Variants in NAALADL2 observed in about 807,000 individuals in gnomAD.
NAALADL2 encodes the protein inactive N-acetylated-alpha-linked acidic dipeptidase-like protein 2.
In NAALADL2, 76 loss-of-function variants were observed where a neutral mutation model predicts 87.2. That is an observed-to-expected ratio of 0.87 (90% confidence interval 0.72 to 1.05). NAALADL2 has a LOEUF of 1.05. NAALADL2 is among the 50% of genes least tolerant of loss of function. The probability of loss-of-function intolerance (pLI) is 0.00; values close to 1 mark genes in which losing one functional copy is unlikely to be tolerated. For synonymous variants in NAALADL2, 354 were observed against 331.0 expected, an observed-to-expected ratio of 1.07 and a Z score of -0.75; for missense variants, 1,089 against 945.8, an observed-to-expected ratio of 1.15 and a Z score of -1.99.
chr3:174,813,082 G>T (rs939683362), intron 3 of NAALADL2, among the ~76,000 whole-genome samples: 4 of 151,780 alleles, frequency 2.6e-5, no homozygotes, highest in Non-Finnish European at 4.4e-5. Flanking sequence ...TTCACTCACC[G>T]CTCACTCACT....
intron 5 of NAALADL2, among the ~76,000 whole-genome samples, chr3:175,397,964 T>C (rs1179485350): frequency 6.6e-6 from 1 of 152,184 alleles, no homozygotes; most frequent in African/African-American, 2.4e-5. Context: ...ATTGTTTTAG[T>C]CTTATCTCTT....
intron 13 of NAALADL2, among the ~76,000 whole-genome samples, chr3:175,756,660 G>T (rs1162346971): frequency 6.6e-6 from 1 of 152,042 alleles, no homozygotes; most frequent in African/African-American, 2.4e-5. Context: ...AGACACTAGA[G>T]ACTGCAAAAG....
At chr3:175,029,432 A>T (rs1202117374) in intron 1 of NAALADL2, among the ~76,000 whole-genome samples, 1 of 152,204 alleles carries the variant, frequency 6.6e-6, no homozygotes, top group East Asian at 1.9e-4. Context: ...TACTAAAAAC[A>T]CACATTGATA....
chr3:175,643,646 A>G (rs562164692), intron 11 of NAALADL2, among the ~76,000 whole-genome samples: 1 of 152,328 alleles, frequency 6.6e-6, no homozygotes, highest in Middle Eastern at 3.4e-3. Context: ...CAGTGAGAAA[A>G]AATCATTACA....
At chr3:174,958,789 A>G (rs28712672) in intron 1 of NAALADL2, among the ~76,000 whole-genome samples, 4,542 of 152,200 alleles carry the variant, frequency 0.03, 134 homozygotes, top group African/African-American at 0.079. Flanking sequence ...CTTACATTCA[A>G]TCAGTGCGAA....
intron 3 of NAALADL2, among the ~76,000 whole-genome samples, chr3:174,770,226 T>C (rs911136519): frequency 6.6e-6 from 1 of 152,138 alleles, no homozygotes; most frequent in African/African-American, 2.4e-5. Flanking sequence ...GAATAAAAAC[T>C]TGATATTAGA....
intron 1 of NAALADL2, among the ~76,000 whole-genome samples, chr3:174,951,580 G>A (rs1191633142): frequency 6.6e-6 from 1 of 152,068 alleles, no homozygotes; most frequent in African/African-American, 2.4e-5. Flanking sequence ...GGCAATATAT[G>A]TTTAGGTAAA....
At chr3:174,547,956 A>T (rs1711591116) in intron 1 of NAALADL2, among the ~76,000 whole-genome samples, 1 of 152,206 alleles carries the variant, frequency 6.6e-6, no homozygotes, top group Admixed American at 6.5e-5. Flanking sequence ...TTGCAGCATA[A>T]AGCTAGAGGT....
intron 9 of NAALADL2, among the ~76,000 whole-genome samples, chr3:175,482,988 C>T (rs2149323865): frequency 6.6e-6 from 1 of 152,006 alleles, no homozygotes; most frequent in African/African-American, 2.4e-5. Flanking sequence ...CCACTTCATT[C>T]AAATAAACAT....
intron 12 of NAALADL2, among the ~76,000 whole-genome samples, chr3:175,738,472 A>G (rs1257874205): frequency 6.6e-6 from 1 of 152,036 alleles, no homozygotes; most frequent in African/African-American, 2.4e-5. Context: ...GTCGCAAATT[A>G]CTGAGCTCAG....
intron 4 of NAALADL2, among the ~76,000 whole-genome samples, chr3:175,309,900 G>T (rs1758157784): frequency 6.6e-6 from 1 of 152,106 alleles, no homozygotes; most frequent in Admixed American, 6.6e-5. Flanking sequence ...GAGCTTTTCA[G>T]TGTCATGCCC....
intron 5 of NAALADL2, among the ~76,000 whole-genome samples, chr3:175,393,787 A>G (rs902354337): frequency 8.5e-5 from 13 of 152,356 alleles, no homozygotes; most frequent in Admixed American, 3.9e-4. Flanking sequence ...CTTAGTATTG[A>G]TATAACGCTC....
Position 175,300,770 on chromosome 3 carries a change from T to TA in NAALADL2, c.940-23404dup, listed in dbSNP as rs904267419. Among the ~76,000 whole-genome samples, 98 of 143,312 alleles carry TA rather than the reference T, an allele frequency of 6.8e-4. 1 individual carries two copies. The highest frequency in any genetic ancestry group is 1.7e-3 in the Admixed American group (24 of 14,452). The allele number at this position is 143,312 out of a possible 152,430, so 94.0% of individuals were successfully genotyped here. A position where few individuals can be genotyped will look rare whatever the true frequency, so the allele number is the denominator to read the frequency against. On this transcript the variant is annotated intron_variant, in intron 4 of 13. Coordinates refer to ENST00000454872, the MANE Select transcript of NAALADL2 (RefSeq NM_207015.3). The stretch of plus-strand genomic sequence containing the variant: ...ATTTATTTATTTTTATTTATTTATT[T>TA]ATTTATTTATTTATTTATTTTATTT...
At chr3:174,774,485 C>T (rs1421860497) in intron 3 of NAALADL2, among the ~76,000 whole-genome samples, 1 of 152,170 alleles carries the variant, frequency 6.6e-6, no homozygotes, top group Non-Finnish European at 1.5e-5. Flanking sequence ...AATAATGAAC[C>T]AGTACATCCC....
intron 2 of NAALADL2, among the ~76,000 whole-genome samples, chr3:175,229,803 TGTAATTCCA>T (rs1490109704): frequency 6.6e-6 from 1 of 152,052 alleles, no homozygotes; most frequent in Non-Finnish European, 1.5e-5. Context: ...TTAGTCTCAA[TGTAATTCCA>T]GTCACAATGT....
intron 2 of NAALADL2, among the ~76,000 whole-genome samples, chr3:174,629,476 A>G (rs1056885306): frequency 2.6e-5 from 4 of 152,256 alleles, no homozygotes; most frequent in Non-Finnish European, 5.9e-5. Context: ...CATATACAGA[A>G]TCACTCTTTT....
intron 2 of NAALADL2, among the ~76,000 whole-genome samples, chr3:174,612,324 A>C (rs867198468): frequency 2.6e-5 from 4 of 152,096 alleles, no homozygotes; most frequent in African/African-American, 7.2e-5. Context: ...GAATAATGAT[A>C]TATTTCTCTA....
intron 3 of NAALADL2, among the ~76,000 whole-genome samples, chr3:174,814,318 A>G (rs991945417): frequency 5.3e-5 from 8 of 152,034 alleles, no homozygotes; most frequent in African/African-American, 1.9e-4. Flanking sequence ...CTTGTTAGCC[A>G]GGATGGTCTC....
chr3:174,709,588 G>T (rs1730427994), intron 2 of NAALADL2, among the ~76,000 whole-genome samples: 1 of 152,074 alleles, frequency 6.6e-6, no homozygotes, highest in South Asian at 2.1e-4. Context: ...TAGAAGAGTG[G>T]CTAGGCTTTA....
Sources: allele counts gnomAD v4.1 joint callset (sites outside exome capture counted in the v4.1 genomes callset), GRCh38; gene constraint gnomAD v4.1.1; transcripts MANE v1.5; gene names NCBI Gene and HGNC (gene_info 2026-07-23, HGNC 2026-07-21).